CCDC175: variants seen among roughly 807,000 people sequenced by gnomAD.
CCDC175 encodes coiled-coil domain-containing protein 175.
In CCDC175, 100 loss-of-function variants were observed where a neutral mutation model predicts 114.6. The observed-to-expected ratio is 0.87, with a 90% CI of 0.74 to 1.03. The LOEUF (loss-of-function observed/expected upper bound fraction) is 1.03. Ranked by LOEUF, CCDC175 falls within the 50% of genes least tolerant of loss-of-function variation. The pLI, the probability that CCDC175 is intolerant of heterozygous loss-of-function variation, is 0.00. For synonymous variants in CCDC175, 306 were observed against 308.7 expected (o/e 0.99, Z 0.09); for missense variants, 880 against 917.8 (o/e 0.96, Z 0.53).
chr14:59,573,072 T>C (rs1896926502), intron 2 of CCDC175, among the ~76,000 whole-genome samples: 3 of 152,168 alleles, frequency 2.0e-5, no homozygotes, highest in Admixed American at 1.3e-4. Flanking sequence ...CTGTTTCTTA[T>C]ATGCAGTTTC....
intron 15 of CCDC175, among the ~76,000 whole-genome samples, chr14:59,526,459 T>C (rs1893742273): frequency 6.6e-6 from 1 of 151,178 alleles, no homozygotes; most frequent in Non-Finnish European, 1.5e-5. Context: ...ATACAAAAAT[T>C]AGCCAGAAAT....
intron 7 of CCDC175, among the ~76,000 whole-genome samples, chr14:59,560,443 C>A (rs2140102070): frequency 6.6e-6 from 1 of 152,258 alleles, no homozygotes; most frequent in East Asian, 1.9e-4. Context: ...CAAACACATT[C>A]TGATATGAAA....
At chr14:59,560,598 A>C (rs1021734955) in intron 7 of CCDC175, among the ~76,000 whole-genome samples, 1 of 152,184 alleles carries the variant, frequency 6.6e-6, no homozygotes, top group African/African-American at 2.4e-5. Context: ...TAAAGAGAGG[A>C]GTAAAACACT....
intron 4 of CCDC175, among the ~76,000 whole-genome samples, chr14:59,567,459 C>T (rs191888776): frequency 7.9e-4 from 120 of 152,234 alleles, no homozygotes; most frequent in African/African-American, 2.8e-3. Context: ...CTTTTTTTCC[C>T]CTATGATAAG....
chr14:59,557,752 T>A (rs1316591748), intron 7 of CCDC175, among the ~76,000 whole-genome samples: 3 of 152,116 alleles, frequency 2.0e-5, no homozygotes, highest in Non-Finnish European at 2.9e-5. Context: ...AACAAAAATG[T>A]ATACTCCTTT....
In CCDC175 at chr14:59,572,814, C is replaced by T. The variant is rs1220900419; in HGVS notation, c.244-1G>A. On this transcript the variant is annotated splice_acceptor_variant, in intron 2 of 19. Coordinates refer to ENST00000537690, the MANE Select transcript of CCDC175 (RefSeq NM_001164399.2). LOFTEE classifies it high-confidence loss of function. Reference sequence around the variant, plus strand: ...CGATTGTGGCTTTTCTCATTTCTTCCTGAAAATTTAAATTACATTTTTAAA... The same window carrying T: ...CGATTGTGGCTTTTCTCATTTCTTCTTGAAAATTTAAATTACATTTTTAAA... 1.3e-6 allele frequency: 2 copies of T among 1,486,496 alleles called. No individual in the cohort carries two copies. Among genetic ancestry groups the T allele is most frequent in the Non-Finnish European group, 1.8e-6 (2 of 1,127,320 alleles). The allele number at this position is 1,486,496 out of a possible 1,614,324, so 92.1% of individuals were successfully genotyped here.
At chr14:59,538,467 C>T (rs907012180) in intron 12 of CCDC175, among the ~76,000 whole-genome samples, 14 of 152,154 alleles carry the variant, frequency 9.2e-5, no homozygotes, top group African/African-American at 3.4e-4. Flanking sequence ...AAAGACTAAC[C>T]TCAAGTAAGT....
rs984538034 is a variant in CCDC175 at position 59,572,789 on chromosome 14, C to T, written c.268G>A (p.Asp90Asn). 56 of 1,512,314 alleles carry T rather than the reference C, an allele frequency of 3.7e-5. No homozygotes were observed. Among genetic ancestry groups the T allele is most frequent in the Non-Finnish European group, 4.6e-5 (52 of 1,140,014 alleles). The allele number at this position is 1,512,314 out of a possible 1,614,324, so 93.7% of individuals were successfully genotyped here. The change falls in exon 3 of 20, where the codon GAT becomes AAT. Residue 90 changes from aspartate (D) to asparagine (N), a missense_variant. Coordinates refer to ENST00000537690, the MANE Select transcript of CCDC175 (RefSeq NM_001164399.2). The stretch of plus-strand genomic sequence containing the variant: ...TCCATGCTTTCAATCTCCAAAAGAT[C>T]GATTGTGGCTTTTCTCATTTCTTCC... ...KLEEMRKATIDLLEIESMELN... is the reference protein window; with the variant it reads ...KLEEMRKATINLLEIESMELN...
At chr14:59,539,878 C>A (rs1894660018) in intron 11 of CCDC175, among the ~76,000 whole-genome samples, 1 of 152,012 alleles carries the variant, frequency 6.6e-6, no homozygotes, top group African/African-American at 2.4e-5. Flanking sequence ...TCAGCCTGGG[C>A]AATGGAGTGA....
At chr14:59,540,648 C>CTTTTTTTTTTTTT in intron 11 of CCDC175, 27 bp downstream of exon 11, 4 of 1,100,374 alleles carry the variant, frequency 3.6e-6, no homozygotes, top group Non-Finnish European at 2.4e-6. Context: ...CACAAATAAA[C>CTTTTTTTTTTTTT]TTTTTTTTTT....
chr14:59,560,325 A>G (rs17096384), intron 7 of CCDC175, among the ~76,000 whole-genome samples: 2,124 of 152,234 alleles, frequency 0.014, 47 homozygotes, highest in African/African-American at 0.049. Context: ...TCAGTCCACA[A>G]TTTGTTTCTT....
chr14:59,507,868 G>C (rs1470038345), intron 19 of CCDC175, among the ~76,000 whole-genome samples: 2 of 152,156 alleles, frequency 1.3e-5, no homozygotes, highest in African/African-American at 4.8e-5. Context: ...GGGAGCTGAA[G>C]GCCTGTGGGA....
chr14:59,561,866 T>C (rs918399662), intron 6 of CCDC175, among the ~76,000 whole-genome samples: 2 of 152,126 alleles, frequency 1.3e-5, no homozygotes, highest in African/African-American at 4.8e-5. Context: ...TGAGGGACAA[T>C]GAAGCTTAGA....
chr14:59,515,378 G>A (rs1384859684), intron 17 of CCDC175, among the ~76,000 whole-genome samples: 1 of 152,056 alleles, frequency 6.6e-6, no homozygotes, highest in Non-Finnish European at 1.5e-5. Flanking sequence ...TGGCAAATTG[G>A]ATAAAGAGTT....
chr14:59,518,379 C>G (rs574459826), intron 17 of CCDC175, among the ~76,000 whole-genome samples: 42 of 152,270 alleles, frequency 2.8e-4, no homozygotes, highest in African/African-American at 9.6e-4. Context: ...TCAGAGTGAA[C>G]AGGCAACCTA....
chr14:59,573,363 G>A (rs1362104565), intron 2 of CCDC175, among the ~76,000 whole-genome samples: 1 of 151,968 alleles, frequency 6.6e-6, no homozygotes, highest in Admixed American at 6.6e-5. Context: ...TTTATGACCT[G>A]AGAAACTGCC....
At chr14:59,520,162 G>C (rs1893341464) in intron 17 of CCDC175, among the ~76,000 whole-genome samples, 1 of 152,168 alleles carries the variant, frequency 6.6e-6, no homozygotes, top group Non-Finnish European at 1.5e-5. Flanking sequence ...TGTCACAAAA[G>C]ATAATATTCA....
intron 11 of CCDC175, among the ~76,000 whole-genome samples, chr14:59,539,303 C>A (rs1019689419): frequency 6.6e-6 from 1 of 152,224 alleles, no homozygotes. Flanking sequence ...TAGGGCCAGG[C>A]GCAGTGGCTC....
At position 59,568,246 on chromosome 14, in the gene CCDC175, C is replaced by A; in HGVS notation, c.490G>T (p.Gly164Trp). Residue 164 changes from glycine (G) to tryptophan (W), a missense_variant and splice_region_variant, in exon 4 of 20, where the codon GGG becomes TGG. Transcript: ENST00000537690. ...AATACTGAATATAAGAATACCTACC[C>A]CAGAGCTTCATTATATTTTGTCAGG... is the stretch of plus-strand genomic sequence containing the variant. ...TDLTKYNEAL[G>W]EKQEELARKH... 6.5e-7 allele frequency: 1 copy of A among 1,527,706 alleles called. No individual in the cohort carries two copies. The highest frequency in any genetic ancestry group is 2.5e-5 in the East Asian group (1 of 40,726). 94.6% of individuals were successfully genotyped at this position (1,527,706 alleles called of 1,614,324 possible). A position where few individuals can be genotyped will look rare whatever the true frequency, so the allele number is the denominator to read the frequency against.
Sources: gnomAD v4.1 joint callset for allele counts (sites outside exome capture counted in the v4.1 genomes callset) on GRCh38, gnomAD v4.1.1 for gene constraint, MANE v1.5 for transcripts, NCBI Gene and HGNC (gene_info 2026-07-23, HGNC 2026-07-21) for gene names.